Variants in AMER2 observed in about 807,000 individuals in gnomAD.
AMER2 encodes the protein family with sequence similarity 123A.
Under a neutral mutation model 4.7 loss-of-function variants are expected in AMER2, and 1 was observed. The ratio of observed to expected loss-of-function variants is 0.21; its 90% CI spans 0.07 to 1.00. The LOEUF is 1.00. AMER2 is among the 50% of genes least tolerant of loss of function. The pLI, the probability that AMER2 is intolerant of heterozygous loss-of-function variation, is 0.60. For missense variants in AMER2, 988 were observed against 966.9 expected (o/e 1.02, Z -0.29); for synonymous variants, 485 against 433.3 (o/e 1.12, Z -1.48).
chr13:25,170,013 C>G lies in AMER2; in HGVS notation c.1607G>C (p.Ser536Thr). The change falls in exon 1 of 1, where the codon AGC (serine) becomes ACC (threonine). Residue 536 changes from serine (S) to threonine (T), a missense_variant. Transcript: ENST00000515384. This position sits in a 1 kb window ranked among gnomAD's most constrained non-coding sequence, Gnocchi z 7.3. ...DSTTPGPEEDSSSSGKKAGIP... is the reference protein window; with the variant it reads ...DSTTPGPEEDTSSSGKKAGIP... The stretch of plus-strand genomic sequence containing the variant: ...GCCCGCCTTCTTCCCGCTGCTCGAG[C>G]TGTCTTCCTCTGGGCCTGGCGTGGT... 1 of 1,613,818 alleles carries G rather than the reference C, an allele frequency of 6.2e-7. No homozygotes were observed. The highest frequency in any genetic ancestry group is 8.5e-7 in the Non-Finnish European group (1 of 1,179,872).
rs1956432843 is a variant in AMER2 at position 25,163,338 on chromosome 13, T to G, written c.*6266A>C. On this transcript the variant is annotated 3_prime_UTR_variant, in exon 1 of 1. Transcript: ENST00000515384. ...ACCCAGTCATTCCACTTCTGGGTAT[T>G]TATTCAAAAAAACTGAAATCAGGAT... The G allele has an allele frequency of 6.6e-6, 1 of 152,202 alleles. No homozygotes were observed. Among genetic ancestry groups the G allele is most frequent in the African/African-American group, 2.4e-5 (1 of 41,440 alleles). The allele number at this position is 152,202 out of a possible 1,614,324, so 9.4% of individuals were successfully genotyped here. A position where few individuals can be genotyped will look rare whatever the true frequency, so the allele number is the denominator to read the frequency against.
In AMER2 at chr13:25,169,471, G is replaced by A. The variant is rs1312702008; in HGVS notation, c.*133C>T. On this transcript the variant is annotated 3_prime_UTR_variant, in exon 1 of 1. Transcript: ENST00000515384. The surrounding 1 kb of genome is among the most constrained non-coding windows in gnomAD (Gnocchi z 4.2). Reference sequence around the variant, plus strand: ...GGGCACAAAGACCTCCTCGGTCCACGCTCTGGAGCAGGGCGGGGGACGGGT... The same window carrying A: ...GGGCACAAAGACCTCCTCGGTCCACACTCTGGAGCAGGGCGGGGGACGGGT... The A allele has an allele frequency of 8.0e-7, 1 of 1,249,910 alleles. No homozygotes were observed. The allele number at this position is 1,249,910 out of a possible 1,614,324, so 77.4% of individuals were successfully genotyped here. A position where few individuals can be genotyped will look rare whatever the true frequency, so the allele number is the denominator to read the frequency against.
At position 25,171,092 on chromosome 13, in the gene AMER2, G is replaced by C; in HGVS notation, c.528C>G (p.Gly176=). The part of the protein sequence containing the change: ...LLKKNGRSEN[G]KGEPVDASKA... ...TGCTCGCGTCCACAGGCTCTCCCTT[G>C]CCGTTTTCCGAGCGCCCGTTCTTCT... The change falls in exon 1 of 1, where the codon GGC becomes GGG. Residue 176 remains glycine (G), a synonymous_variant. Transcript: ENST00000515384. The surrounding 1 kb of genome is among the most constrained non-coding windows in gnomAD (Gnocchi z 5.9). 1 of 1,566,850 alleles carries C rather than the reference G, an allele frequency of 6.4e-7. No individual in the cohort carries two copies. The highest frequency in any genetic ancestry group is 8.6e-7 in the Non-Finnish European group (1 of 1,157,750).
In AMER2 at chr13:25,170,166, G is replaced by A. The variant is rs61754943; in HGVS notation, c.1454C>T (p.Ala485Val). The A allele has an allele frequency of 6.2e-7, 1 of 1,613,754 alleles. No homozygotes were observed. The highest frequency in any genetic ancestry group is 1.1e-5 in the South Asian group (1 of 91,028). ...GAGCCTCCTGCGCTTGACCGAGGACGCGTCCTTGGCCGCTTCCACACACCT... is the reference window on the plus strand; with the variant it reads ...GAGCCTCCTGCGCTTGACCGAGGACACGTCCTTGGCCGCTTCCACACACCT... ...DTRCVEAAKD[A>V]SSVKRRRLNR... Residue 485 changes from alanine (A) to valine (V), a missense_variant, in exon 1 of 1, where the codon GCG (alanine) becomes GTG (valine). Ala to Val is a moderately conservative substitution (Grantham distance 64). Transcript: ENST00000515384. The surrounding 1 kb of genome is among the most constrained non-coding windows in gnomAD (Gnocchi z 7.3).
At position 25,170,023 on chromosome 13, in the gene AMER2, C is replaced by G. The variant is rs1956533498; in HGVS notation, c.1597G>C (p.Glu533Gln). The G allele has an allele frequency of 6.2e-7, 1 of 1,613,892 alleles. No individual in the cohort carries two copies. The highest frequency in any genetic ancestry group is 8.5e-7 in the Non-Finnish European group (1 of 1,179,930). Residue 533 changes from glutamate to glutamine, a missense_variant, in exon 1 of 1, where the codon GAG (glutamate) becomes CAG (glutamine). Transcript: ENST00000515384. This position sits in a 1 kb window ranked among gnomAD's most constrained non-coding sequence, Gnocchi z 7.3. Reference sequence around the variant, plus strand: ...TTCCCGCTGCTCGAGCTGTCTTCCTCTGGGCCTGGCGTGGTGGAGTCCCAG... The same window carrying G: ...TTCCCGCTGCTCGAGCTGTCTTCCTGTGGGCCTGGCGTGGTGGAGTCCCAG... Reference protein sequence around the residue: ...GYWDSTTPGPEEDSSSSGKKA... With the variant: ...GYWDSTTPGPQEDSSSSGKKA...
In AMER2 at chr13:25,169,553, G is replaced by A. The variant is rs766378864; in HGVS notation, c.*51C>T. ...AAAACTTACTTTAGTGGTTTCCAGG[G>A]AAAAGTTGTATTCCTTGGCATGGGG... On this transcript the variant is annotated 3_prime_UTR_variant, in exon 1 of 1. Coordinates refer to ENST00000515384, the MANE Select transcript of AMER2 (RefSeq NM_152704.4). This position sits in a 1 kb window ranked among gnomAD's most constrained non-coding sequence, Gnocchi z 4.2. The A allele has an allele frequency of 2.6e-6, 4 of 1,516,412 alleles. No individual in the cohort carries two copies. The South Asian group carries it at 4.0e-5, about 15-fold the overall frequency. 93.9% of individuals were successfully genotyped at this position (1,516,412 alleles called of 1,614,324 possible).
rs1956522631 is a variant in AMER2, at chr13:25,169,550, A to G, written c.*54T>C. 4 of 1,515,474 alleles carry G rather than the reference A, an allele frequency of 2.6e-6. No individual in the cohort carries two copies. The Admixed American group carries it at 9.0e-5, about 34-fold the overall frequency. The allele number at this position is 1,515,474 out of a possible 1,614,324, so 93.9% of individuals were successfully genotyped here. ...AGCAAAACTTACTTTAGTGGTTTCC[A>G]GGGAAAAGTTGTATTCCTTGGCATG... On this transcript the variant is annotated 3_prime_UTR_variant, in exon 1 of 1. Coordinates refer to ENST00000515384, the MANE Select transcript of AMER2 (RefSeq NM_152704.4). The surrounding 1 kb of genome is among the most constrained non-coding windows in gnomAD (Gnocchi z 4.2).
In AMER2 at chr13:25,171,216, C is replaced by T. The variant is rs1956569349; in HGVS notation, c.404G>A (p.Gly135Glu). The T allele has an allele frequency of 1.5e-6, 2 of 1,368,654 alleles. No homozygotes were observed. The highest frequency in any genetic ancestry group is 1.5e-5 in the African/African-American group (1 of 65,140). The allele number at this position is 1,368,654 out of a possible 1,614,324, so 84.8% of individuals were successfully genotyped here. The change falls in exon 1 of 1, where the codon GGG (glycine) becomes GAG (glutamate). Residue 135 changes from glycine (G) to glutamate (E), a missense_variant. Coordinates refer to ENST00000515384, the MANE Select transcript of AMER2 (RefSeq NM_152704.4). This position sits in a 1 kb window ranked among gnomAD's most constrained non-coding sequence, Gnocchi z 5.9. ...GGGDSGGGGG[G>E]RPNPGPPRAA... ...TCTGGGGGGCCCCGGGTTCGGCCGCCCCCCGCCGCCCCCGCCGCTGTCGCC... is the reference window on the plus strand; with the variant it reads ...TCTGGGGGGCCCCGGGTTCGGCCGCTCCCCGCCGCCCCCGCCGCTGTCGCC...
rs1042510718 is a variant in AMER2 at position 25,168,753 on chromosome 13, AG to A, written c.*850del. ...AAATATGCATTATCTTCACATGAAA[AG>A]GTTTCAGTTTATAAATGCTTAAATA... On this transcript the variant is annotated 3_prime_UTR_variant, in exon 1 of 1. Transcript: ENST00000515384. 2.6e-4 allele frequency: 40 copies of A among 152,656 alleles called. No homozygotes were observed. The highest frequency in any genetic ancestry group is 9.4e-4 in the African/African-American group (39 of 41,452). 9.5% of individuals were successfully genotyped at this position (152,656 alleles called of 1,614,324 possible).
At position 25,169,659 on chromosome 13, in the gene AMER2, A is replaced by G. The variant is rs1956524934; in HGVS notation, c.1961T>C (p.Leu654Ser). ...VLVRRVSNRG[L>S]AGTTIRATAC... ...CGTTGCTCTGATGGTGGTCCCAGCC[A>G]AGCCCCGGTTGCTGACTCTGCGGAC... is the stretch of plus-strand genomic sequence containing the variant. Residue 654 changes from leucine to serine, a missense_variant, in exon 1 of 1, where the codon TTG (leucine) becomes TCG (serine). Transcript: ENST00000515384. The surrounding 1 kb of genome is among the most constrained non-coding windows in gnomAD (Gnocchi z 4.2). The G allele has an allele frequency of 6.2e-7, 1 of 1,612,428 alleles. No individual in the cohort carries two copies. The highest frequency in any genetic ancestry group is 8.5e-7 in the Non-Finnish European group (1 of 1,179,194).
Position 25,166,923 on chromosome 13 carries a change from T to C in AMER2, c.*2681A>G, listed in dbSNP as rs983898353. The C allele has an allele frequency of 5.3e-5, 8 of 151,978 alleles. No individual in the cohort carries two copies. The highest frequency in any genetic ancestry group is 1.9e-4 in the African/African-American group (8 of 41,380). 9.4% of individuals were successfully genotyped at this position (151,978 alleles called of 1,614,324 possible). Reference sequence around the variant, plus strand: ...GAGGCTGTTTAATTCATTGCCCAAATCCTTTATTTGATTGGTGTGGGTGCA... The same window carrying C: ...GAGGCTGTTTAATTCATTGCCCAAACCCTTTATTTGATTGGTGTGGGTGCA... On this transcript the variant is annotated 3_prime_UTR_variant, in exon 1 of 1. Coordinates refer to ENST00000515384, the MANE Select transcript of AMER2 (RefSeq NM_152704.4).
Position 25,163,757 on chromosome 13 carries a change from T to C in AMER2, c.*5847A>G, listed in dbSNP as rs1228182236. The C allele has an allele frequency of 6.6e-6, 1 of 151,464 alleles. No individual in the cohort carries two copies. The highest frequency in any genetic ancestry group is 1.5e-5 in the Non-Finnish European group (1 of 67,880). The allele number at this position is 151,464 out of a possible 1,614,324, so 9.4% of individuals were successfully genotyped here. A position where few individuals can be genotyped will look rare whatever the true frequency, so the allele number is the denominator to read the frequency against. On this transcript the variant is annotated 3_prime_UTR_variant, in exon 1 of 1. Coordinates refer to ENST00000515384, the MANE Select transcript of AMER2 (RefSeq NM_152704.4). Reference sequence around the variant, plus strand: ...ACGCAGGATGCATAGGTGAGAGAGATTTGCTGTACAACACTGTGGCTATAG... The same window carrying C: ...ACGCAGGATGCATAGGTGAGAGAGACTTGCTGTACAACACTGTGGCTATAG...
rs755600504 is a variant in AMER2 at position 25,170,963 on chromosome 13, C to G, written c.657G>C (p.Ala219=). ...CGGGTAGGATCAAGCCGCCCCCGGG[C>G]GCGCGCCCCTCCGCGGCCTCCGCCT... is the stretch of plus-strand genomic sequence containing the variant. The part of the protein sequence containing the change: ...RAKAEAAEGR[A]PGGGLILPGS... The change falls in exon 1 of 1, where the codon GCG becomes GCC. Residue 219 remains alanine, a synonymous_variant. Transcript: ENST00000515384. The surrounding 1 kb of genome is among the most constrained non-coding windows in gnomAD (Gnocchi z 7.3). 1 of 1,541,192 alleles carries G rather than the reference C, an allele frequency of 6.5e-7. No homozygotes were observed. The highest frequency in any genetic ancestry group is 1.2e-5 in the South Asian group (1 of 84,064).
In AMER2 at chr13:25,162,108, C is replaced by T. The variant is rs922039255; in HGVS notation, c.*7496G>A. 3 of 152,080 alleles carry T rather than the reference C, an allele frequency of 2.0e-5. No individual in the cohort carries two copies. Among genetic ancestry groups the T allele is most frequent in the Admixed American group, 2.0e-4 (3 of 15,276 alleles). 9.4% of individuals were successfully genotyped at this position (152,080 alleles called of 1,614,324 possible). On this transcript the variant is annotated 3_prime_UTR_variant, in exon 1 of 1. Transcript: ENST00000515384. ...CTATTATAAAAATAACATCTATAAA[C>T]CTACTAACAATTTTCCTCCTGTGCA...
At position 25,164,691 on chromosome 13, in the gene AMER2, A is replaced by G. The variant is rs1956456558; in HGVS notation, c.*4913T>C. ...CCTACCCCACATGGCTGTTAAGAGGACTAAGTAATTATTTCTAAATCTCCT... is the reference window on the plus strand; with the variant it reads ...CCTACCCCACATGGCTGTTAAGAGGGCTAAGTAATTATTTCTAAATCTCCT... On this transcript the variant is annotated 3_prime_UTR_variant, in exon 1 of 1. Coordinates refer to ENST00000515384, the MANE Select transcript of AMER2 (RefSeq NM_152704.4). The G allele has an allele frequency of 1.4e-5, 2 of 147,518 alleles. No homozygotes were observed. Among genetic ancestry groups the G allele is most frequent in the African/African-American group, 5.0e-5 (2 of 40,278 alleles). 9.1% of individuals were successfully genotyped at this position (147,518 alleles called of 1,614,324 possible). A position where few individuals can be genotyped will look rare whatever the true frequency, so the allele number is the denominator to read the frequency against.
rs1275790527 is a variant in AMER2 at position 25,165,652 on chromosome 13, A to C, written c.*3952T>G. On this transcript the variant is annotated 3_prime_UTR_variant, in exon 1 of 1. Coordinates refer to ENST00000515384, the MANE Select transcript of AMER2 (RefSeq NM_152704.4). ...GCTTTCCTCAGTGATGAGATGAGGC[A>C]ATTGTGATGCTTATTCCTTATGTTT... 2 of 152,226 alleles carry C rather than the reference A, an allele frequency of 1.3e-5. No homozygotes were observed. Among genetic ancestry groups the C allele is most frequent in the East Asian group, 1.9e-4 (1 of 5,200 alleles). 9.4% of individuals were successfully genotyped at this position (152,226 alleles called of 1,614,324 possible). A position where few individuals can be genotyped will look rare whatever the true frequency, so the allele number is the denominator to read the frequency against.
chr13:25,171,535 T>G lies in AMER2; in HGVS notation c.85A>C (p.Lys29Gln), dbSNP rs775586742. 13 of 1,589,252 alleles carry G rather than the reference T, an allele frequency of 8.2e-6. No individual in the cohort carries two copies. Among genetic ancestry groups the G allele is most frequent in the Admixed American group, 3.4e-5 (2 of 58,418 alleles). Residue 29 changes from lysine (K) to glutamine (Q), a missense_variant, in exon 1 of 1, where the codon AAG (lysine) becomes CAG (glutamine). By Grantham distance (53) the Lys-to-Gln change is moderately conservative (BLOSUM62 1). Coordinates refer to ENST00000515384, the MANE Select transcript of AMER2 (RefSeq NM_152704.4). The surrounding 1 kb of genome is among the most constrained non-coding windows in gnomAD (Gnocchi z 5.9). ...AGASVGVCRR[K>Q]AEAGAGTGTL... The stretch of plus-strand genomic sequence containing the variant: ...CCGGTCCCGGCCCCGGCCTCCGCCT[T>G]CCTCCTGCAGACCCCCACGGACGCG...
In AMER2 at chr13:25,171,325, C is replaced by T. The variant is rs767856873; in HGVS notation, c.295G>A (p.Gly99Arg). 2.7e-5 allele frequency: 44 copies of T among 1,608,574 alleles called. No homozygotes were observed. The highest frequency in any genetic ancestry group is 3.6e-5 in the Non-Finnish European group (43 of 1,178,368). ...KGDGKSSGPTGLVRSRTHDGL... is the reference protein window; with the variant it reads ...KGDGKSSGPTRLVRSRTHDGL... ...TCGTGGGTCCTGCTCCTCACCAGCC[C>T]CGTCGGACCCGAGCTTTTCCCGTCC... The change falls in exon 1 of 1, where the codon GGG (glycine) becomes AGG (arginine). Residue 99 changes from glycine to arginine, a missense_variant. By Grantham distance (125) the Gly-to-Arg change is moderately radical. Coordinates refer to ENST00000515384, the MANE Select transcript of AMER2 (RefSeq NM_152704.4). This position sits in a 1 kb window ranked among gnomAD's most constrained non-coding sequence, Gnocchi z 5.9.
rs1956546694 is a variant in AMER2, at chr13:25,170,621, G to T, written c.999C>A (p.Val333=). 1.3e-6 allele frequency: 2 copies of T among 1,566,552 alleles called. No individual in the cohort carries two copies. Among genetic ancestry groups the T allele is most frequent in the Admixed American group, 1.9e-5 (1 of 52,086 alleles). ...GAVPVKTVPL[V]DSEGGSGRAP... ...CCCGGCCGCTGCCGCCTTCGGAGTCGACAAGGGGGACCGTCTTTACGGGAA... is the reference window on the plus strand; with the variant it reads ...CCCGGCCGCTGCCGCCTTCGGAGTCTACAAGGGGGACCGTCTTTACGGGAA... The change falls in exon 1 of 1, where the codon GTC becomes GTA. Residue 333 remains valine, a synonymous_variant. Coordinates refer to ENST00000515384, the MANE Select transcript of AMER2 (RefSeq NM_152704.4). This position sits in a 1 kb window ranked among gnomAD's most constrained non-coding sequence, Gnocchi z 7.3.
Sources: allele counts gnomAD v4.1 joint callset, GRCh38; gene constraint gnomAD v4.1.1; non-coding constraint Gnocchi (gnomAD v3.1); transcripts MANE v1.5; gene names NCBI Gene and HGNC (gene_info 2026-07-23, HGNC 2026-07-21).